BBX: variants seen among roughly 807,000 people sequenced by gnomAD.
The protein encoded by BBX is HMG box transcription factor BBX.
Under a neutral mutation model 100.2 loss-of-function variants are expected in BBX, and 30 were observed. The ratio of observed to expected loss-of-function variants is 0.30; its 90% CI spans 0.22 to 0.41. The LOEUF (loss-of-function observed/expected upper bound fraction) is 0.41. Ranked by LOEUF, BBX falls within the 10% of genes least tolerant of loss-of-function variation. The pLI, the probability that BBX is intolerant of heterozygous loss-of-function variation, is 1.00. For synonymous variants in BBX, 376 were observed against 388.1 expected (o/e 0.97, Z 0.37); for missense variants, 1,023 against 1,129.8 (o/e 0.91, Z 1.35).
At chr3:107,631,403 T>A (rs2056540010) in intron 2 of BBX, among the ~76,000 whole-genome samples, 1 of 152,196 alleles carries the variant, frequency 6.6e-6, no homozygotes, top group Non-Finnish European at 1.5e-5. Flanking sequence ...AGTGTTAGGA[T>A]AAAATTCAAA....
At chr3:107,760,717 C>A (rs111894959) in intron 10 of BBX, among the ~76,000 whole-genome samples, 5 of 152,148 alleles carry the variant, frequency 3.3e-5, no homozygotes, top group African/African-American at 1.2e-4. Context: ...GGGGAAAAAA[C>A]TGATGATGGT....
intron 2 of BBX, among the ~76,000 whole-genome samples, chr3:107,597,491 C>G (rs1358859016): frequency 6.6e-6 from 1 of 152,072 alleles, no homozygotes; most frequent in Admixed American, 6.5e-5. Context: ...TGGTGTTTTT[C>G]TTCTAATTAA....
intron 2 of BBX, among the ~76,000 whole-genome samples, chr3:107,561,024 T>A (rs2050455812): frequency 6.6e-6 from 1 of 152,166 alleles, no homozygotes; most frequent in Non-Finnish European, 1.5e-5. Flanking sequence ...CCTGGCCTTT[T>A]AACTACTAGG....
At position 107,798,694 on chromosome 3, in the gene BBX, G is replaced by T; in HGVS notation, c.2525G>T (p.Arg842Leu). ...ITHLVRTADG[R>L]VSPAGGTLDD... ...CACCTTGTCAGGACAGCAGATGGCC[G>T]GGTATCACCAGCAGGAGGTACTTTG... The change falls in exon 16 of 18, where the codon CGG becomes CTG. Residue 842 changes from arginine (R) to leucine (L), a missense_variant. Arg to Leu is a moderately radical substitution (Grantham distance 102). Coordinates refer to ENST00000325805, the MANE Select transcript of BBX (RefSeq NM_001142568.3). The T allele has an allele frequency of 6.2e-7, 1 of 1,613,988 alleles. No individual in the cohort carries two copies. Among genetic ancestry groups the T allele is most frequent in the Non-Finnish European group, 8.5e-7 (1 of 1,180,000 alleles).
chr3:107,588,757 G>A (rs556187031), intron 2 of BBX, among the ~76,000 whole-genome samples: 2 of 152,132 alleles, frequency 1.3e-5, no homozygotes, highest in African/African-American at 4.8e-5. Flanking sequence ...AAAAAGAATG[G>A]GGTAAAAATT....
chr3:107,595,047 A>G (rs2053585497), intron 2 of BBX, among the ~76,000 whole-genome samples: 1 of 152,232 alleles, frequency 6.6e-6, no homozygotes, highest in Non-Finnish European at 1.5e-5. Context: ...TGCTGCTGCC[A>G]TTCCTTGCGG....
At chr3:107,559,648 A>G (rs1011433749) in intron 2 of BBX, among the ~76,000 whole-genome samples, 1 of 152,248 alleles carries the variant, frequency 6.6e-6, no homozygotes. Context: ...AGAGAACTTC[A>G]TTGTAGAGGC....
intron 2 of BBX, among the ~76,000 whole-genome samples, chr3:107,562,168 G>A (rs1222202025): frequency 1.3e-5 from 2 of 151,872 alleles, no homozygotes; most frequent in Non-Finnish European, 2.9e-5. Flanking sequence ...TGAAATAAAC[G>A]CAGCTGTGTT....
chr3:107,690,892 CTT>C (rs66523709), intron 3 of BBX, among the ~76,000 whole-genome samples: 2 of 41,186 alleles, frequency 4.9e-5, no homozygotes, highest in African/African-American at 2.1e-4. Flanking sequence ...GCCCCCCCCC[CTT>C]TTTTTTTTTT....
At chr3:107,726,948 A>G (rs1018432849) in intron 5 of BBX, among the ~76,000 whole-genome samples, 3 of 152,056 alleles carry the variant, frequency 2.0e-5, no homozygotes, top group African/African-American at 7.2e-5. Flanking sequence ...GATTTTCAGC[A>G]CCAGCTCCCC....
chr3:107,642,554 C>T (rs898387124), intron 2 of BBX, among the ~76,000 whole-genome samples: 3 of 152,182 alleles, frequency 2.0e-5, no homozygotes, highest in African/African-American at 7.2e-5. Flanking sequence ...AGAAATCATG[C>T]TGGCTCTTAA....
At chr3:107,719,232 C>A (rs762632910) in intron 5 of BBX, among the ~76,000 whole-genome samples, 32 of 151,998 alleles carry the variant, frequency 2.1e-4, no homozygotes, top group Non-Finnish European at 3.5e-4. Flanking sequence ...TTTTAAACCT[C>A]AAATTTTAGA....
At chr3:107,529,834 T>TC (rs2048032519) in intron 2 of BBX, among the ~76,000 whole-genome samples, 1 of 152,176 alleles carries the variant, frequency 6.6e-6, no homozygotes, top group East Asian at 1.9e-4. Context: ...ATTTTTTTTT[T>TC]TTTGCTTTCA....
intron 3 of BBX, among the ~76,000 whole-genome samples, chr3:107,689,276 G>A (rs2060016190): frequency 6.6e-6 from 1 of 152,184 alleles, no homozygotes; most frequent in South Asian, 2.1e-4. Context: ...ATGCTACTCT[G>A]AGATTATAGG....
intron 3 of BBX, among the ~76,000 whole-genome samples, chr3:107,710,143 T>A (rs573341297): frequency 6.6e-6 from 1 of 152,296 alleles, no homozygotes; most frequent in Admixed American, 6.5e-5. Flanking sequence ...ACTGGTAACA[T>A]CCTTAAGCTT....
intron 2 of BBX, among the ~76,000 whole-genome samples, chr3:107,612,446 G>A (rs1437345747): frequency 6.6e-6 from 1 of 152,180 alleles, no homozygotes; most frequent in Non-Finnish European, 1.5e-5. Context: ...AGTTGTATCT[G>A]TATTAGGGGG....
At chr3:107,578,637 A>G (rs1046750707) in intron 2 of BBX, among the ~76,000 whole-genome samples, 2 of 152,156 alleles carry the variant, frequency 1.3e-5, no homozygotes, top group African/African-American at 4.8e-5. Flanking sequence ...CCTAAAGAGC[A>G]GAGGGGCTCG....
intron 17 of BBX, among the ~76,000 whole-genome samples, chr3:107,804,823 T>G (rs1162825672): frequency 6.6e-6 from 1 of 152,002 alleles, no homozygotes; most frequent in Non-Finnish European, 1.5e-5. Context: ...TTTTTTTTTT[T>G]TTGGAGTCAC....
chr3:107,697,805 A>G lies in BBX; in HGVS notation c.-9-12647A>G, dbSNP rs371330188. Reference sequence around the variant, plus strand: ...GCGCCCCTCCCCCAGCCTCGCTGCCACCTTGCAGTTTGATCTCAGACTGCT... The same window carrying G: ...GCGCCCCTCCCCCAGCCTCGCTGCCGCCTTGCAGTTTGATCTCAGACTGCT... On this transcript the variant is annotated intron_variant, in intron 3 of 17. Transcript: ENST00000325805. Among the ~76,000 whole-genome samples the G allele has an allele frequency of 5.3e-4, 80 of 151,720 alleles. 1 individual carries two copies. The South Asian group carries it at 8.5e-3, about 16-fold the overall frequency.
Sources: gnomAD v4.1 joint callset for allele counts (sites outside exome capture counted in the v4.1 genomes callset) on GRCh38, gnomAD v4.1.1 for gene constraint, MANE v1.5 for transcripts, NCBI Gene and HGNC (gene_info 2026-07-23, HGNC 2026-07-21) for gene names.